The following MYBPC1 variants were observed in gnomAD, a reference collection of about 807,000 sequenced individuals.
MYBPC1 encodes myosin binding protein C1, also known as myosin-binding protein C, slow-type.
MYBPC1 carries 52 observed loss-of-function variants against 147.1 expected under a neutral mutation model. The observed-to-expected ratio is 0.35, with a 90% CI of 0.28 to 0.45. The LOEUF (loss-of-function observed/expected upper bound fraction) is 0.45. Among genes scored for constraint, MYBPC1 ranks in the 20% least tolerant of loss-of-function variants. MYBPC1 has a pLI of 1.00. For missense variants in MYBPC1, 1,228 were observed against 1,440.3 expected (o/e 0.85, Z 2.39); for synonymous variants, 477 against 475.9 (o/e 1.00, Z -0.03).
At chr12:101,677,684 G>A (rs1231438195) in intron 27 of MYBPC1, among the ~76,000 whole-genome samples, 8 of 152,138 alleles carry the variant, frequency 5.3e-5, no homozygotes, top group Non-Finnish European at 8.8e-5. Flanking sequence ...TTTTCTTCTA[G>A]AGTTTCTACT....
intron 18 of MYBPC1, 66 bp downstream of exon 18, chr12:101,653,314 C>A (rs1004099778): frequency 1.1e-5 from 18 of 1,576,662 alleles, no homozygotes; most frequent in African/African-American, 4.0e-5. Context: ...CCTACCCCAC[C>A]CCTTGCCCTC....
In MYBPC1 at chr12:101,628,435, T is replaced by C. The variant is rs370392855; in HGVS notation, c.178+631T>C. On this transcript the variant is annotated intron_variant, in intron 5 of 31. Coordinates refer to ENST00000361466, the MANE Select transcript of MYBPC1 (RefSeq NM_002465.4). Reference sequence around the variant, plus strand: ...TCACATGACTATGATTGTCACATAATTGTGAAAATGTTTAACCTCATTGTG... The same window carrying C: ...TCACATGACTATGATTGTCACATAACTGTGAAAATGTTTAACCTCATTGTG... Among the ~76,000 whole-genome samples the C allele has an allele frequency of 2.1e-3, 321 of 152,346 alleles. 5 individuals are homozygous for C. The highest frequency in any genetic ancestry group is 7.4e-3 in the African/African-American group (309 of 41,584).
chr12:101,654,746 A>G (rs1348772583), intron 18 of MYBPC1, among the ~76,000 whole-genome samples: 1 of 152,222 alleles, frequency 6.6e-6, no homozygotes, highest in Non-Finnish European at 1.5e-5. Flanking sequence ...CACAAGGCCA[A>G]TAGTAGTGCC....
chr12:101,603,401 G>C (rs913741541), intron 1 of MYBPC1, among the ~76,000 whole-genome samples: 1 of 151,862 alleles, frequency 6.6e-6, no homozygotes, highest in African/African-American at 2.4e-5. Context: ...TTGGTGGATA[G>C]GGTCTTCCTC....
chr12:101,619,868 T>A (rs1449419614), intron 3 of MYBPC1, among the ~76,000 whole-genome samples: 1 of 152,222 alleles, frequency 6.6e-6, no homozygotes, highest in Non-Finnish European at 1.5e-5. Flanking sequence ...ATTGATTGAA[T>A]CATTCTGCAA....
intron 22 of MYBPC1, chr12:101,666,696 G>C: frequency 2.0e-6 from 3 of 1,463,686 alleles, no homozygotes; most frequent in Non-Finnish European, 2.9e-6. Context: ...TATTATTCTG[G>C]TGTGAAAGTG....
intron 1 of MYBPC1, among the ~76,000 whole-genome samples, chr12:101,597,969 C>T (rs1488031167): frequency 1.3e-5 from 2 of 151,222 alleles, no homozygotes; most frequent in East Asian, 1.9e-4. Flanking sequence ...AGTAAGTGCC[C>T]GAAAGTTAAT....
intron 24 of MYBPC1, among the ~76,000 whole-genome samples, chr12:101,670,643 T>G (rs910389614): frequency 6.6e-6 from 1 of 152,186 alleles, no homozygotes; most frequent in Non-Finnish European, 1.5e-5. Context: ...AAATGAGATA[T>G]AGTCTTGCCT....
At chr12:101,641,930 T>A (rs1892140947) in intron 10 of MYBPC1, among the ~76,000 whole-genome samples, 1 of 152,154 alleles carries the variant, frequency 6.6e-6, no homozygotes. Flanking sequence ...TTTGAAATAA[T>A]GTATTTGTAC....
At chr12:101,651,039 A>T (rs1894334033) in intron 15 of MYBPC1, 192 bp from the exon 16 acceptor site, 1 of 664,072 alleles carries the variant, frequency 1.5e-6, no homozygotes, top group Non-Finnish European at 2.5e-6. Context: ...GCATTCACCT[A>T]GTTTTTCTAA....
At chr12:101,633,658 G>T (rs1407481204) in intron 8 of MYBPC1, among the ~76,000 whole-genome samples, 1 of 151,208 alleles carries the variant, frequency 6.6e-6, no homozygotes, top group East Asian at 2.0e-4. Context: ...TTGCACTCCA[G>T]CCTGGGCAAC....
rs1896719758 is a variant in MYBPC1, at chr12:101,662,378, A to G, written c.2053A>G (p.Lys685Glu). The G allele has an allele frequency of 6.2e-7, 1 of 1,614,246 alleles. No individual in the cohort carries two copies. The highest frequency in any genetic ancestry group is 8.5e-7 in the Non-Finnish European group (1 of 1,180,046). Residue 685 changes from lysine to glutamate, a missense_variant, in exon 21 of 32, where the codon AAG (lysine) becomes GAG (glutamate). By Grantham distance (56) the Lys-to-Glu change is moderately conservative. Around this residue, in one of 2 missense-constraint regions of MYBPC1, gnomAD observed 1,077 missense variants for 1,314.2 expected, o/e 0.82. Coordinates refer to ENST00000361466, the MANE Select transcript of MYBPC1 (RefSeq NM_002465.4). The stretch of plus-strand genomic sequence containing the variant: ...TGCAGGATATTTTATTGAGAGGAAG[A>G]AGAAACAAAGCTCCAGGTGGATGAG... ...PILGYFIERK[K>E]KQSSRWMRLN...
chr12:101,657,763 T>G (rs1267282266), intron 18 of MYBPC1, among the ~76,000 whole-genome samples: 1 of 152,140 alleles, frequency 6.6e-6, no homozygotes, highest in African/African-American at 2.4e-5. Context: ...CTACCAAACA[T>G]TTAAGAAAGA....
At chr12:101,649,961 C>A (rs1163828736) in intron 15 of MYBPC1, among the ~76,000 whole-genome samples, 1 of 152,160 alleles carries the variant, frequency 6.6e-6, no homozygotes, top group Non-Finnish European at 1.5e-5. Flanking sequence ...ATTAAAACAG[C>A]AAATATCTCA....
intron 22 of MYBPC1, among the ~76,000 whole-genome samples, chr12:101,665,259 C>T (rs1488898437): frequency 6.6e-6 from 1 of 152,102 alleles, no homozygotes; most frequent in Non-Finnish European, 1.5e-5. Flanking sequence ...CTGGAATTAG[C>T]TTTCTATGGG....
chr12:101,606,813 G>T (rs917191977), intron 1 of MYBPC1, among the ~76,000 whole-genome samples: 20 of 151,816 alleles, frequency 1.3e-4, no homozygotes, highest in Non-Finnish European at 7.4e-5. Context: ...TGCTGATTTT[G>T]GGGGGGTACA....
Position 101,685,898 on chromosome 12 carries a change from A to G in MYBPC1, c.*336A>G. The G allele has an allele frequency of 2.2e-6, 1 of 448,346 alleles. No individual in the cohort carries two copies. The highest frequency in any genetic ancestry group is 4.0e-6 in the Non-Finnish European group (1 of 251,534). The allele number at this position is 448,346 out of a possible 1,614,324, so 27.8% of individuals were successfully genotyped here. A position where few individuals can be genotyped will look rare whatever the true frequency, so the allele number is the denominator to read the frequency against. ...TGAAGTCAGCACTTTGGTCATTATT[A>G]TCTCTGCTCACTGTATTATACTTTA... is the stretch of plus-strand genomic sequence containing the variant. On this transcript the variant is annotated 3_prime_UTR_variant, in exon 32 of 32. Coordinates refer to ENST00000361466, the MANE Select transcript of MYBPC1 (RefSeq NM_002465.4).
intron 8 of MYBPC1, 29 bp from the exon 9 acceptor site, chr12:101,634,525 T>C (rs751030279): frequency 1.1e-5 from 18 of 1,579,618 alleles, no homozygotes; most frequent in Non-Finnish European, 1.3e-5. Context: ...TAATGGGTAT[T>C]TATGTTATTG....
At chr12:101,678,048 T>G in intron 27 of MYBPC1, 54 bp from the exon 28 acceptor site, 1 of 1,580,540 alleles carries the variant, frequency 6.3e-7, no homozygotes, top group Non-Finnish European at 8.7e-7. Flanking sequence ...ACCAATAATA[T>G]ATTCTCAGGC....
Sources: gnomAD v4.1 joint callset for allele counts (sites outside exome capture counted in the v4.1 genomes callset) on GRCh38, gnomAD v4.1.1 for gene constraint, gnomAD v4.1.1 regional missense constraint, MANE v1.5 for transcripts, NCBI Gene and HGNC (gene_info 2026-07-23, HGNC 2026-07-21) for gene names.